The following NFU1 variants were observed in gnomAD, a reference collection of about 807,000 sequenced individuals.
NFU1 encodes the protein NFU1 iron-sulfur cluster scaffold homolog, mitochondrial.
NFU1 carries 30 observed loss-of-function variants against 32.2 expected under a neutral mutation model. The observed-to-expected ratio is 0.93, with a 90% CI of 0.70 to 1.26. NFU1 has a LOEUF of 1.26. Among genes scored for constraint, NFU1 ranks in the 50% most tolerant of loss-of-function variants. The probability of loss-of-function intolerance (pLI) is 0.00; values close to 1 mark genes in which losing one functional copy is unlikely to be tolerated. For synonymous variants in NFU1, 112 were observed against 104.6 expected (o/e 1.07, Z -0.43); for missense variants, 306 against 306.6 (o/e 1.00, Z 0.02).
At chr2:69,410,869 T>G (rs1032353262) in intron 5 of NFU1, 2 of 152,088 alleles carry the variant, frequency 1.3e-5, no homozygotes, top group African/African-American at 4.8e-5. Context: ...ACTCTTGACA[T>G]GGTTTTTTAG....
chr2:69,432,127 A>G, intron 1 of NFU1, 122 bp from the exon 2 acceptor site: 1 of 681,842 alleles, frequency 1.5e-6, no homozygotes, highest in Non-Finnish European at 2.6e-6. Flanking sequence ...AATAGAAATA[A>G]TTAGAGAACT....
rs4331553 is a variant in NFU1, at chr2:69,406,933, G to T, written c.485-851C>A. 2.3e-3 allele frequency among the ~76,000 whole-genome samples: 351 copies of T among 152,234 alleles called. 1 individual carries two copies. Among genetic ancestry groups the T allele is most frequent in the African/African-American group, 8.0e-3 (334 of 41,536 alleles). On this transcript the variant is annotated intron_variant, in intron 5 of 7. Coordinates refer to ENST00000410022, the MANE Select transcript of NFU1 (RefSeq NM_001002755.4). Reference sequence around the variant, plus strand: ...CGTGATAGTGAGTGAGTTCTCACGAGATCTGATCGTTTTATAAGGAACTTT... The same window carrying T: ...CGTGATAGTGAGTGAGTTCTCACGATATCTGATCGTTTTATAAGGAACTTT...
At chr2:69,410,559 G>GT (rs1672846367) in intron 5 of NFU1, among the ~76,000 whole-genome samples, 1 of 152,122 alleles carries the variant, frequency 6.6e-6, no homozygotes, top group South Asian at 2.1e-4. Context: ...GTGAAATGTG[G>GT]TAACAGTTCC....
upstream of NFU1, among the ~76,000 whole-genome samples, chr2:69,438,432 G>GTATTTAT (rs1673931950): frequency 6.6e-6 from 1 of 151,958 alleles, no homozygotes. Flanking sequence ...ATTAGCAGTA[G>GTATTTAT]TAGTAGTAGT....
intron 1 of NFU1, among the ~76,000 whole-genome samples, chr2:69,435,325 A>T (rs1197381152): frequency 1.3e-5 from 2 of 152,164 alleles, no homozygotes; most frequent in Admixed American, 6.6e-5. Context: ...TTCTGTTAAA[A>T]TTTTTTCCAA....
chr2:69,418,463 A>T (rs1673130858), intron 4 of NFU1, among the ~76,000 whole-genome samples: 1 of 152,020 alleles, frequency 6.6e-6, no homozygotes. Flanking sequence ...CTAACCCAGT[A>T]TGTCCCCTTT....
chr2:69,423,119 G>A (rs943425090), intron 3 of NFU1, among the ~76,000 whole-genome samples: 3 of 131,294 alleles, frequency 2.3e-5, no homozygotes, highest in African/African-American at 8.2e-5. Flanking sequence ...TGAGACCAGA[G>A]GTACACACCA....
chr2:69,397,914 C>CAA (rs56659765), intron 7 of NFU1, among the ~76,000 whole-genome samples: 2 of 107,328 alleles, frequency 1.9e-5, no homozygotes, highest in African/African-American at 3.5e-5. Context: ...AACTACGTCT[C>CAA]AAAAAAAAAA....
intron 3 of NFU1, among the ~76,000 whole-genome samples, chr2:69,419,891 G>A (rs1466342008): frequency 1.3e-5 from 2 of 152,126 alleles, no homozygotes; most frequent in Admixed American, 6.6e-5. Flanking sequence ...ATATGGAAAT[G>A]TCCATCACCT....
intron 5 of NFU1, among the ~76,000 whole-genome samples, chr2:69,406,374 G>A (rs996021119): frequency 2.0e-5 from 3 of 152,172 alleles, no homozygotes; most frequent in Non-Finnish European, 4.4e-5. Flanking sequence ...TTTTAAGCCA[G>A]TAAATATGCA....
In NFU1 at chr2:69,436,531, G is replaced by A. The variant is rs535013919; in HGVS notation, c.62+830C>T. On this transcript the variant is annotated intron_variant, in intron 1 of 7. Transcript: ENST00000410022. ...TTAAAGTCTTGTTTTTTTAAAGTAA[G>A]AGTGGATTACATTATTCAAGGAAGA... Among the ~76,000 whole-genome samples the A allele has an allele frequency of 6.6e-5, 10 of 152,264 alleles. 1 individual carries two copies. The South Asian group carries it at 1.9e-3, about 28-fold the overall frequency.
downstream of NFU1, chr2:69,396,086 A>C: frequency 1.6e-6 from 1 of 612,864 alleles, no homozygotes; most frequent in South Asian, 2.1e-5. Flanking sequence ...AGAGGTTATA[A>C]ATAACTCATA....
chr2:69,418,530 G>A (rs921485274), intron 4 of NFU1, among the ~76,000 whole-genome samples: 2 of 151,994 alleles, frequency 1.3e-5, no homozygotes, highest in Admixed American at 6.6e-5. Context: ...GCAGTGGCCC[G>A]ATCTCCGCTC....
chr2:69,416,293 T>A (rs12618529), intron 4 of NFU1: 13 of 148,106 alleles, frequency 8.8e-5, no homozygotes, highest in Admixed American at 3.4e-4. Context: ...CTTATTATTA[T>A]TAATAATATA....
intron 7 of NFU1, 146 bp from the exon 8 acceptor site, chr2:69,396,436 A>G (rs1396786627): frequency 1.7e-5 from 10 of 594,890 alleles, no homozygotes; most frequent in Non-Finnish European, 2.9e-5. Context: ...AACAGCCCCA[A>G]AGAACAAGGT....
chr2:69,412,884 C>T (rs1672933452), intron 5 of NFU1, among the ~76,000 whole-genome samples: 1 of 146,378 alleles, frequency 6.8e-6, no homozygotes, highest in Admixed American at 6.8e-5. Context: ...AGACACATGA[C>T]TCAATTTGTT....
chr2:69,430,790 T>C (rs1226357679), intron 2 of NFU1, among the ~76,000 whole-genome samples: 2 of 152,232 alleles, frequency 1.3e-5, no homozygotes, highest in Non-Finnish European at 2.9e-5. Flanking sequence ...AAAGTGTTCC[T>C]CTTCTGGCCC....
rs753296467 is a variant in NFU1 at position 69,423,654 on chromosome 2, C to T, written c.230G>A (p.Gly77Glu). 8.1e-6 allele frequency: 13 copies of T among 1,612,544 alleles called. No homozygotes were observed. The highest frequency in any genetic ancestry group is 4.0e-5 in the African/African-American group (3 of 74,820). ...PNPNSLKFIP[G>E]KPVLETRTMD... ...GGTCCTTGTCTCAAGAACTGGTTTT[C>T]CTGGTATAAACTTTAAGCTGTTTGG... is the stretch of plus-strand genomic sequence containing the variant. Residue 77 changes from glycine (G) to glutamate (E), a missense_variant, in exon 3 of 8, where the codon GGA becomes GAA. Physicochemically the swap from Gly to Glu is moderately conservative, Grantham distance 98. Transcript: ENST00000410022.
chr2:69,428,681 C>T (rs972510156), intron 2 of NFU1, among the ~76,000 whole-genome samples: 17 of 152,066 alleles, frequency 1.1e-4, no homozygotes, highest in African/African-American at 4.1e-4. Context: ...TCTAACATTG[C>T]CAGGCATAAT....
Sources: gnomAD v4.1 joint callset for allele counts (sites outside exome capture counted in the v4.1 genomes callset) on GRCh38, gnomAD v4.1.1 for gene constraint, MANE v1.5 for transcripts, NCBI Gene and HGNC (gene_info 2026-07-23, HGNC 2026-07-21) for gene names.